EXOC2: variants seen among roughly 807,000 people sequenced by gnomAD.
EXOC2 encodes exocyst complex component 2.
In EXOC2, 70 loss-of-function variants were observed where a neutral mutation model predicts 131.8. The observed-to-expected ratio is 0.53, with a 90% CI of 0.44 to 0.65. The LOEUF is 0.65. Among genes scored for constraint, EXOC2 ranks in the 30% least tolerant of loss-of-function variants. The probability of loss-of-function intolerance (pLI) is 0.00; values close to 1 mark genes in which losing one functional copy is unlikely to be tolerated. For missense variants in EXOC2, 923 were observed against 1,108.6 expected (o/e 0.83, Z 2.38); for synonymous variants, 411 against 398.4 (o/e 1.03, Z -0.38).
At chr6:538,179 T>C (rs1180622286) in intron 22 of EXOC2, among the ~76,000 whole-genome samples, 2 of 152,236 alleles carry the variant, frequency 1.3e-5, no homozygotes, top group Admixed American at 1.3e-4. Flanking sequence ...GCAGGATCAA[T>C]GTCAGGAGTA....
intron 22 of EXOC2, among the ~76,000 whole-genome samples, chr6:533,690 G>A (rs1766245049): frequency 6.6e-6 from 1 of 152,142 alleles, no homozygotes; most frequent in Admixed American, 6.5e-5. Context: ...GCAGGCAGGA[G>A]GCCAGAAGAA....
chr6:629,996 A>T, intron 3 of EXOC2, 35 bp from the exon 4 acceptor site: 3 of 1,610,390 alleles, frequency 1.9e-6, no homozygotes, highest in Non-Finnish European at 2.5e-6. Flanking sequence ...TAATAAGATG[A>T]AGCCTACCCC....
intron 23 of EXOC2, among the ~76,000 whole-genome samples, chr6:500,676 C>T (rs1001382159): frequency 1.2e-4 from 18 of 152,146 alleles, no homozygotes; most frequent in Non-Finnish European, 2.2e-4. Context: ...AAAACAATTC[C>T]TTTCCCTTGA....
At chr6:656,642 C>T (rs747556100) in intron 1 of EXOC2, 1 of 1,607,534 alleles carries the variant, frequency 6.2e-7, no homozygotes, top group Non-Finnish European at 8.5e-7. Flanking sequence ...TCAGCTGCAG[C>T]TTCAGGGAGG....
At chr6:562,914 G>A in intron 16 of EXOC2, 69 bp from the exon 17 acceptor site, 1 of 1,124,308 alleles carries the variant, frequency 8.9e-7, no homozygotes, top group Non-Finnish European at 1.2e-6. Context: ...GATTAAAAAT[G>A]TATACAGGTT....
At chr6:656,506 G>C (rs774752902) in intron 1 of EXOC2, 1 of 1,605,568 alleles carries the variant, frequency 6.2e-7, no homozygotes, top group Non-Finnish European at 8.5e-7. Flanking sequence ...AGGCTGGGCG[G>C]CAGGCAGTCC....
In EXOC2 at chr6:598,905, C is replaced by T; in HGVS notation, c.925G>A (p.Ala309Thr). The change falls in exon 9 of 28, where the codon GCC (alanine) becomes ACC (threonine). Residue 309 changes from alanine (A) to threonine (T), a missense_variant. Ala to Thr is a moderately conservative substitution (Grantham distance 58). Transcript: ENST00000230449. ...YDVVINDYEK[A>T]KSLFGKTEVQ... ...TCCGTTTTCCCAAAAAGTGACTTGG[C>T]CTTTTCATAATCATTAATAACCACA... 1.2e-6 allele frequency: 2 copies of T among 1,611,576 alleles called. No individual in the cohort carries two copies. Among genetic ancestry groups the T allele is most frequent in the Non-Finnish European group, 1.7e-6 (2 of 1,179,350 alleles).
intron 22 of EXOC2, among the ~76,000 whole-genome samples, chr6:544,738 C>T (rs949725096): frequency 6.6e-6 from 1 of 152,116 alleles, no homozygotes; most frequent in East Asian, 1.9e-4. Flanking sequence ...TAAAGCAACG[C>T]AAAACTCTAG....
At chr6:563,112 C>A (rs375066719) in intron 16 of EXOC2, among the ~76,000 whole-genome samples, 126 of 152,326 alleles carry the variant, frequency 8.3e-4, no homozygotes, top group African/African-American at 3.0e-3. Flanking sequence ...TTAATGACAA[C>A]TTGAGACAAT....
At chr6:600,618 T>A (rs1301879675) in intron 7 of EXOC2, among the ~76,000 whole-genome samples, 1 of 152,020 alleles carries the variant, frequency 6.6e-6, no homozygotes, top group African/African-American at 2.4e-5. Flanking sequence ...GGGCAAAAAG[T>A]ATGAATTCAA....
At chr6:582,068 C>A (rs1758936235) in intron 11 of EXOC2, among the ~76,000 whole-genome samples, 1 of 152,006 alleles carries the variant, frequency 6.6e-6, no homozygotes, top group Non-Finnish European at 1.5e-5. Context: ...TAGAAATAAT[C>A]AAAAATTTAA....
chr6:600,354 C>G (rs1443847867), intron 7 of EXOC2, among the ~76,000 whole-genome samples: 2 of 152,128 alleles, frequency 1.3e-5, no homozygotes, highest in African/African-American at 4.8e-5. Context: ...TGCCACCAAA[C>G]CACACAATGG....
At chr6:614,125 C>A (rs982835824) in intron 6 of EXOC2, among the ~76,000 whole-genome samples, 1 of 152,040 alleles carries the variant, frequency 6.6e-6, no homozygotes, top group Non-Finnish European at 1.5e-5. Flanking sequence ...GGGAGGTAAT[C>A]TCTAAACTCT....
At chr6:652,174 A>G (rs2127740094) in intron 1 of EXOC2, among the ~76,000 whole-genome samples, 1 of 152,328 alleles carries the variant, frequency 6.6e-6, no homozygotes, top group African/African-American at 2.4e-5. Context: ...AGCATACACT[A>G]TACCTCCAAA....
intron 1 of EXOC2, chr6:656,627 G>C (rs1763115345): frequency 6.2e-7 from 1 of 1,605,246 alleles, no homozygotes; most frequent in African/African-American, 1.3e-5. Flanking sequence ...GGCGGCGCTT[G>C]TGGGTCAGCT....
At chr6:591,841 TC>T (rs1759558849) in intron 11 of EXOC2, among the ~76,000 whole-genome samples, 1 of 152,022 alleles carries the variant, frequency 6.6e-6, no homozygotes, top group African/African-American at 2.4e-5. Flanking sequence ...TTGACTTCTC[TC>T]CCCCAGCTTC....
At chr6:676,893 A>T (rs75683019) in intron 1 of EXOC2, among the ~76,000 whole-genome samples, 8 of 39,024 alleles carry the variant, frequency 2.1e-4, no homozygotes, top group East Asian at 3.1e-3. Flanking sequence ...GTTCCTCTGG[A>T]GACTGCGGTT....
intron 1 of EXOC2, among the ~76,000 whole-genome samples, chr6:691,160 T>C (rs1764907967): frequency 6.6e-6 from 1 of 152,206 alleles, no homozygotes; most frequent in African/African-American, 2.4e-5. Flanking sequence ...TAAAAGTTCT[T>C]TGCTAGAAGA....
chr6:537,274 G>C (rs1341390836), intron 22 of EXOC2, among the ~76,000 whole-genome samples: 1 of 150,696 alleles, frequency 6.6e-6, no homozygotes, highest in Admixed American at 6.6e-5. Context: ...ACGGCCGACG[G>C]AGCGTACACT....
Sources: gnomAD v4.1 joint callset for allele counts (sites outside exome capture counted in the v4.1 genomes callset) on GRCh38, gnomAD v4.1.1 for gene constraint, MANE v1.5 for transcripts, NCBI Gene and HGNC (gene_info 2026-07-23, HGNC 2026-07-21) for gene names.